ZCCHC14: variants seen among roughly 807,000 people sequenced by gnomAD.
ZCCHC14 encodes the protein zinc finger CCHC-type containing 14.
In ZCCHC14, 16 loss-of-function variants were observed where a neutral mutation model predicts 85.0. The observed-to-expected ratio is 0.19, with a 90% CI of 0.13 to 0.29. The LOEUF is 0.29. Among genes scored for constraint, ZCCHC14 ranks in the 10% least tolerant of loss-of-function variants. The pLI is 1.00. For missense variants in ZCCHC14, 1,303 were observed against 1,443.5 expected, an observed-to-expected ratio of 0.90 and a Z score of 1.58; for synonymous variants, 775 against 630.7, an observed-to-expected ratio of 1.23 and a Z score of -3.43.
At chr16:87,486,150 T>C (rs1224911893) in intron 1 of ZCCHC14, among the ~76,000 whole-genome samples, 3 of 152,098 alleles carry the variant, frequency 2.0e-5, no homozygotes, top group Non-Finnish European at 4.4e-5. Flanking sequence ...AAGTACCACA[T>C]AATCCAAGCC....
At chr16:87,483,190 G>A (rs1417072731) in intron 1 of ZCCHC14, among the ~76,000 whole-genome samples, 1 of 151,696 alleles carries the variant, frequency 6.6e-6, no homozygotes, top group Non-Finnish European at 1.5e-5. Flanking sequence ...AGGCGCAGTG[G>A]CTCACACCTG....
At chr16:87,458,181 AG>A (rs1278525936) in intron 2 of ZCCHC14, among the ~76,000 whole-genome samples, 1 of 152,094 alleles carries the variant, frequency 6.6e-6, no homozygotes, top group Non-Finnish European at 1.5e-5. Flanking sequence ...TAAGATTCAC[AG>A]GGTGTGCAGG....
chr16:87,418,336 C>T (rs565902545), intron 7 of ZCCHC14, among the ~76,000 whole-genome samples: 1 of 152,364 alleles, frequency 6.6e-6, no homozygotes, highest in South Asian at 2.1e-4. Flanking sequence ...TGGGCGCTTA[C>T]CCTACCCCGA....
At chr16:87,418,650 G>A (rs1356997149) in intron 7 of ZCCHC14, among the ~76,000 whole-genome samples, 197 bp downstream of exon 7, 1 of 152,218 alleles carries the variant, frequency 6.6e-6, no homozygotes, top group East Asian at 1.9e-4. Context: ...GAGTCCCTGG[G>A]AATTCTGATT....
intron 1 of ZCCHC14, among the ~76,000 whole-genome samples, chr16:87,478,579 CTG>C: frequency 6.6e-6 from 1 of 151,872 alleles, no homozygotes. Flanking sequence ...CCTCAATACT[CTG>C]TGCTTTCAAA....
At chr16:87,454,480 G>T (rs1237513633) in intron 2 of ZCCHC14, among the ~76,000 whole-genome samples, 1 of 152,160 alleles carries the variant, frequency 6.6e-6, no homozygotes, top group Non-Finnish European at 1.5e-5. Flanking sequence ...ATAGCAAAAT[G>T]ACATTGTTAA....
chr16:87,488,186 A>T (rs921250915), intron 1 of ZCCHC14, among the ~76,000 whole-genome samples: 1 of 152,252 alleles, frequency 6.6e-6, no homozygotes, highest in Non-Finnish European at 1.5e-5. Context: ...ATACCACAGC[A>T]TATTAATTAT....
At chr16:87,411,276 A>C (rs1254117987) in intron 12 of ZCCHC14, 2 of 1,224,152 alleles carry the variant, frequency 1.6e-6, no homozygotes, top group Non-Finnish European at 2.2e-6. Flanking sequence ...GGCCCTGTCC[A>C]CACTGGCTAA....
In ZCCHC14 at chr16:87,467,462, TGTGA is replaced by T. The variant is rs1482797551; in HGVS notation, c.571-7335_571-7332del. On this transcript the variant is annotated intron_variant, in intron 1 of 12. Coordinates refer to ENST00000671377, the MANE Select transcript of ZCCHC14 (RefSeq NM_015144.3). Reference sequence around the variant, plus strand: ...AAATGTCTGCCATTTCTGTTCACGGTGTGAGTACCTCTGGAGGACAGATGTACCA... The same window carrying T: ...AAATGTCTGCCATTTCTGTTCACGGTGTACCTCTGGAGGACAGATGTACCA... 7 of 1,607,014 alleles carry T rather than the reference TGTGA, an allele frequency of 4.4e-6. 1 individual carries two copies. The highest frequency in any genetic ancestry group is 3.5e-4 in the Middle Eastern group (2 of 5,636).
chr16:87,450,634 G>C (rs558276702), intron 2 of ZCCHC14, among the ~76,000 whole-genome samples: 1 of 146,462 alleles, frequency 6.8e-6, no homozygotes, highest in African/African-American at 2.5e-5. Context: ...GTAATGGCAT[G>C]ATCTCGGCTC....
At chr16:87,436,465 G>T (rs1376960209) in intron 2 of ZCCHC14, among the ~76,000 whole-genome samples, 1 of 152,282 alleles carries the variant, frequency 6.6e-6, no homozygotes, top group Non-Finnish European at 1.5e-5. Context: ...GGAGTGAGGG[G>T]CCGGGCTAGT....
intron 7 of ZCCHC14, 157 bp from the exon 8 acceptor site, chr16:87,417,899 A>G: frequency 1.2e-6 from 1 of 840,044 alleles, no homozygotes; most frequent in Non-Finnish European, 1.8e-6. Flanking sequence ...CTGCTGTGCT[A>G]TGACTGCCCT....
intron 2 of ZCCHC14, among the ~76,000 whole-genome samples, chr16:87,440,431 C>G (rs1274883175): frequency 6.6e-6 from 1 of 152,246 alleles, no homozygotes; most frequent in East Asian, 1.9e-4. Flanking sequence ...TCCCAAAGTG[C>G]TGGGATTACA....
chr16:87,437,901 C>T (rs1200050342), intron 2 of ZCCHC14, among the ~76,000 whole-genome samples: 1 of 152,228 alleles, frequency 6.6e-6, no homozygotes, highest in Non-Finnish European at 1.5e-5. Flanking sequence ...GTCAGGCCTC[C>T]CTTTGGTCCA....
intron 2 of ZCCHC14, among the ~76,000 whole-genome samples, chr16:87,454,674 T>C (rs535439072): frequency 3.4e-4 from 52 of 152,314 alleles, no homozygotes; most frequent in African/African-American, 1.1e-3. Context: ...ATTTTCAGGA[T>C]AAAATGAAGA....
chr16:87,450,646 T>C (rs957668883), intron 2 of ZCCHC14, among the ~76,000 whole-genome samples: 4 of 150,816 alleles, frequency 2.7e-5, no homozygotes, highest in African/African-American at 7.3e-5. Context: ...TCTCGGCTCA[T>C]TGCAACCTCC....
In ZCCHC14 at chr16:87,421,763, G is replaced by A. The variant is rs570704599; in HGVS notation, c.841-1047C>T. On this transcript the variant is annotated intron_variant, in intron 4 of 12. Transcript: ENST00000671377. ...AGAGGCCCTGAGGGTAACAGAGGCAGCAAGAGAGCCCAGTGCCAGCTTCAT... is the reference window on the plus strand; with the variant it reads ...AGAGGCCCTGAGGGTAACAGAGGCAACAAGAGAGCCCAGTGCCAGCTTCAT... Among the ~76,000 whole-genome samples the A allele has an allele frequency of 7.2e-5, 11 of 152,282 alleles. No homozygotes were observed. The East Asian group carries it at 2.1e-3, about 29-fold the overall frequency.
At chr16:87,436,516 A>G (rs76736364) in intron 2 of ZCCHC14, among the ~76,000 whole-genome samples, 4,784 of 152,350 alleles carry the variant, frequency 0.031, 258 homozygotes, top group African/African-American at 0.11. Flanking sequence ...GTCAGGAAAG[A>G]TTTCAGCACG....
intron 2 of ZCCHC14, among the ~76,000 whole-genome samples, chr16:87,454,233 G>A (rs376328943): frequency 1.3e-5 from 2 of 152,178 alleles, no homozygotes; most frequent in East Asian, 1.9e-4. Flanking sequence ...GGAGAATGAG[G>A]AAGAAAGAAT....
Sources: allele counts gnomAD v4.1 joint callset (sites outside exome capture counted in the v4.1 genomes callset), GRCh38; gene constraint gnomAD v4.1.1; transcripts MANE v1.5; gene names NCBI Gene and HGNC (gene_info 2026-07-23, HGNC 2026-07-21).